Variants in SPMAP2 observed in about 807,000 individuals in gnomAD.
SPMAP2 encodes sperm microtubule associated protein 2.
the SPMAP2 span, among the ~76,000 whole-genome samples, chr19:364,372 A>G: frequency 1.3e-5 from 2 of 151,412 alleles, no homozygotes; most frequent in African/African-American, 4.8e-5. Context: ...AAAAAAAAAG[A>G]AAAAATATTT....
the SPMAP2 span, among the ~76,000 whole-genome samples, chr19:370,496 C>T: frequency 2.9e-5 from 4 of 138,726 alleles, no homozygotes; most frequent in African/African-American, 5.2e-5. Context: ...CGCCCGCCAC[C>T]ACCCCCGGCT....
chr19:363,796 A>G, the SPMAP2 span, among the ~76,000 whole-genome samples: 1 of 151,722 alleles, frequency 6.6e-6, no homozygotes, highest in Non-Finnish European at 1.5e-5. Context: ...CGGCCTCCCA[A>G]AGTACTGGGA....
At chr19:373,489 G>A in the SPMAP2 span, 1 of 1,613,438 alleles carries the variant, frequency 6.2e-7, no homozygotes, top group Non-Finnish European at 8.5e-7. Context: ...TGATGGTGAG[G>A]GTGGTGTCCT....
the SPMAP2 span, chr19:373,364 A>T: frequency 9.4e-7 from 1 of 1,064,090 alleles, no homozygotes; most frequent in Non-Finnish European, 1.4e-6. Flanking sequence ...AGAGGCTCCG[A>T]GGAGATGGGG....
chr19:366,476 T>C, the SPMAP2 span, among the ~76,000 whole-genome samples: 1 of 152,138 alleles, frequency 6.6e-6, no homozygotes, highest in Non-Finnish European at 1.5e-5. Flanking sequence ...TTCATTTCAC[T>C]CATCATTTCA....
chr19:375,553 TG>T, the SPMAP2 span: 1 of 1,183,362 alleles, frequency 8.5e-7, no homozygotes, highest in Non-Finnish European at 1.2e-6. Flanking sequence ...GCCAGGCCGG[TG>T]GCCGGTTACG....
the SPMAP2 span, chr19:374,526 A>T: frequency 7.0e-7 from 1 of 1,424,744 alleles, no homozygotes. Flanking sequence ...GTCTGCACTC[A>T]CCCTGCCCAC....
chr19:364,084 A>G, the SPMAP2 span, among the ~76,000 whole-genome samples: 65 of 151,870 alleles, frequency 4.3e-4, no homozygotes, highest in Non-Finnish European at 7.2e-4. Context: ...CTGTAATCCC[A>G]GCACTCTGGG....
At chr19:362,139 C>G in the SPMAP2 span, 1 of 1,292,678 alleles carries the variant, frequency 7.7e-7, no homozygotes, top group Non-Finnish European at 1.0e-6. Flanking sequence ...GGCCAAAAAG[C>G]TCAGAATAAT....
At chr19:372,781 A>C in the SPMAP2 span, 13 of 1,390,816 alleles carry the variant, frequency 9.3e-6, no homozygotes, top group East Asian at 3.0e-4. Flanking sequence ...TGCGGAATTC[A>C]GCTTTTCATG....
chr19:365,559 TCGCTCTTACCCCCACCACACAGCAAG>T, the SPMAP2 span, among the ~76,000 whole-genome samples: 36 of 50,428 alleles, frequency 7.1e-4, no homozygotes, highest in African/African-American at 2.2e-3. Context: ...AGCCACACAC[TCGCTCTTACCCCCACCACACAGCAAG>T]TGTGAGCACA....
chr19:372,972 C>T, the SPMAP2 span, among the ~76,000 whole-genome samples: 4 of 152,154 alleles, frequency 2.6e-5, no homozygotes, highest in African/African-American at 9.7e-5. Flanking sequence ...CACCGTGGCT[C>T]CTCAACGGGG....
the SPMAP2 span, chr19:373,561 G>T: frequency 6.2e-7 from 1 of 1,608,848 alleles, no homozygotes; most frequent in Non-Finnish European, 8.5e-7. Context: ...CAGGGCAAGG[G>T]AGGCAGAGAG....
chr19:371,316 A>G, the SPMAP2 span: 1 of 1,466,446 alleles, frequency 6.8e-7, no homozygotes. Flanking sequence ...GCCAGACAGG[A>G]GTCGTCCTGG....
chr19:372,726 G>A, the SPMAP2 span: 1 of 1,611,764 alleles, frequency 6.2e-7, no homozygotes, highest in South Asian at 1.1e-5. Flanking sequence ...AACGGAGTCA[G>A]TGAACCCCAG....
the SPMAP2 span, among the ~76,000 whole-genome samples, chr19:373,263 G>T: frequency 6.6e-6 from 1 of 152,154 alleles, no homozygotes; most frequent in African/African-American, 2.4e-5. Context: ...CCCCGATTTG[G>T]CCCTATCCTA....
At chr19:375,328 G>A in the SPMAP2 span, among the ~76,000 whole-genome samples, 2 of 152,056 alleles carry the variant, frequency 1.3e-5, no homozygotes, top group Non-Finnish European at 2.9e-5. Flanking sequence ...CTCTCTGTCT[G>A]ACTTGAGGCC....
At chr19:375,254 C>T in the SPMAP2 span, among the ~76,000 whole-genome samples, 6 of 152,288 alleles carry the variant, frequency 3.9e-5, no homozygotes, top group South Asian at 2.1e-4. Flanking sequence ...CTTTTAGCCA[C>T]GTGTGGTGCT....
chr19:373,107 G>C, the SPMAP2 span, among the ~76,000 whole-genome samples: 1 of 152,190 alleles, frequency 6.6e-6, no homozygotes, highest in East Asian at 1.9e-4. Flanking sequence ...GCACAGGAGA[G>C]AACTGGACTG....
Sources: allele counts gnomAD v4.1 joint callset (sites outside exome capture counted in the v4.1 genomes callset), GRCh38; gene constraint gnomAD v4.1.1; transcripts MANE v1.5; gene names NCBI Gene and HGNC (gene_info 2026-07-23, HGNC 2026-07-21).